Variants in SCAPER observed in about 807,000 individuals in gnomAD.
The protein encoded by SCAPER is S phase cyclin A-associated protein in the endoplasmic reticulum.
SCAPER carries 98 observed loss-of-function variants against 182.2 expected under a neutral mutation model. The observed-to-expected ratio is 0.54, with a 90% CI of 0.46 to 0.64. SCAPER has a LOEUF of 0.64. Ranked by LOEUF, SCAPER falls within the 30% of genes least tolerant of loss-of-function variation. The pLI is 0.00. For missense variants in SCAPER, 1,432 were observed against 1,690.0 expected, an observed-to-expected ratio of 0.85 and a Z score of 2.68; for synonymous variants, 605 against 564.6, an observed-to-expected ratio of 1.07 and a Z score of -1.01.
In SCAPER at chr15:76,515,420, T is replaced by C. The variant is rs188769252; in HGVS notation, c.2839-10446A>G. On this transcript the variant is annotated intron_variant, in intron 23 of 31. Transcript: ENST00000563290. ...TTCATTACTGCAACTATGGTTCCTT[T>C]TTTCTTTGCCCCTATATCTCAAGTA... Among the ~76,000 whole-genome samples the C allele has an allele frequency of 5.9e-5, 9 of 152,338 alleles. No homozygotes were observed. The East Asian group carries it at 1.5e-3, about 26-fold the overall frequency.
chr15:76,477,630 T>C (rs1290789810), intron 24 of SCAPER, among the ~76,000 whole-genome samples: 3 of 152,168 alleles, frequency 2.0e-5, no homozygotes, highest in African/African-American at 7.2e-5. Flanking sequence ...CAGAAAAATA[T>C]TTTTTCCATG....
intron 30 of SCAPER, 31 bp downstream of exon 30, chr15:76,353,918 G>A (rs748306981): frequency 6.7e-7 from 1 of 1,486,922 alleles, no homozygotes; most frequent in Non-Finnish European, 8.9e-7. Context: ...TACACACAAA[G>A]CTAGACAATT....
At chr15:76,704,788 T>C (rs71405222) in intron 18 of SCAPER, among the ~76,000 whole-genome samples, 58,021 of 151,962 alleles carry the variant, frequency 0.38, 13,078 homozygotes, top group Middle Eastern at 0.53. Context: ...AAAAGACACA[T>C]GAAAAAATGC....
chr15:76,884,838 CA>C (rs1011697942), intron 1 of SCAPER, among the ~76,000 whole-genome samples: 7 of 150,924 alleles, frequency 4.6e-5, no homozygotes, highest in African/African-American at 1.5e-4. Flanking sequence ...ATGGATAGAC[CA>C]AAAAAAAGGA....
chr15:76,756,686 A>C (rs1470253812), intron 14 of SCAPER, among the ~76,000 whole-genome samples: 2 of 152,302 alleles, frequency 1.3e-5, no homozygotes, highest in East Asian at 3.9e-4. Flanking sequence ...TCTGTCATTT[A>C]TAATACAGCA....
intron 23 of SCAPER, among the ~76,000 whole-genome samples, chr15:76,509,571 G>A (rs2041865803): frequency 6.6e-6 from 1 of 152,108 alleles, no homozygotes; most frequent in Non-Finnish European, 1.5e-5. Flanking sequence ...CAATACAGAT[G>A]AAGTACTGAA....
intron 24 of SCAPER, among the ~76,000 whole-genome samples, chr15:76,486,414 G>A (rs2051654580): frequency 6.6e-6 from 1 of 152,016 alleles, no homozygotes; most frequent in South Asian, 2.1e-4. Flanking sequence ...AAACTCAACA[G>A]AGTAAGCAGA....
intron 5 of SCAPER, among the ~76,000 whole-genome samples, chr15:76,806,567 G>C (rs984873136): frequency 3.3e-5 from 5 of 152,048 alleles, no homozygotes; most frequent in African/African-American, 9.7e-5. Flanking sequence ...GTCCATTTCT[G>C]CCAAAAAGGG....
chr15:76,846,713 G>A (rs1445702903), intron 4 of SCAPER, among the ~76,000 whole-genome samples: 2 of 152,088 alleles, frequency 1.3e-5, no homozygotes, highest in Non-Finnish European at 2.9e-5. Flanking sequence ...AAAAGATGGA[G>A]AGGATGTGGG....
intron 14 of SCAPER, among the ~76,000 whole-genome samples, chr15:76,762,125 A>G (rs1157080332): frequency 6.6e-6 from 1 of 152,168 alleles, no homozygotes; most frequent in Non-Finnish European, 1.5e-5. Flanking sequence ...TTTACATGGA[A>G]TAAGATATTC....
At chr15:76,677,081 T>C (rs147265820) in intron 20 of SCAPER, among the ~76,000 whole-genome samples, 72 of 152,270 alleles carry the variant, frequency 4.7e-4, no homozygotes, top group African/African-American at 1.6e-3. Context: ...AAAGCAAAGA[T>C]ATACCCTGTG....
In SCAPER at chr15:76,883,894, T is replaced by C. The variant is rs2073709595; in HGVS notation, c.-59-18A>G. ...TATGACTCCTACAATAAAAAATATA[T>C]ATACGCTTAGTTATAACATTACCAG... On this transcript the variant is annotated intron_variant, in intron 1 of 31. Transcript: ENST00000563290. The C allele has an allele frequency of 9.3e-7, 1 of 1,081,080 alleles. No homozygotes were observed. The highest frequency in any genetic ancestry group is 2.8e-5 in the Admixed American group (1 of 36,090). 67.0% of individuals were successfully genotyped at this position (1,081,080 alleles called of 1,614,324 possible). A position where few individuals can be genotyped will look rare whatever the true frequency, so the allele number is the denominator to read the frequency against.
chr15:76,592,750 C>A (rs2049219208), intron 22 of SCAPER, among the ~76,000 whole-genome samples: 1 of 121,940 alleles, frequency 8.2e-6, no homozygotes, highest in African/African-American at 2.5e-5. Flanking sequence ...CCAAGGGAAG[C>A]CTTGAGGGAC....
rs190103601 is a variant in SCAPER at position 76,704,277 on chromosome 15, G to T, written c.2248-1275C>A. Among the ~76,000 whole-genome samples the T allele has an allele frequency of 5.9e-3, 899 of 152,258 alleles. 7 individuals carry two copies. Among genetic ancestry groups the T allele is most frequent in the African/African-American group, 0.02 (825 of 41,568 alleles). ...TTTTCTCCCATTTTGTAGGTTGCCT[G>T]TTCACTCTGATGGTAGTTTCTTTTG... On this transcript the variant is annotated intron_variant, in intron 18 of 31. Coordinates refer to ENST00000563290, the MANE Select transcript of SCAPER (RefSeq NM_020843.4).
intron 26 of SCAPER, among the ~76,000 whole-genome samples, chr15:76,408,817 G>C (rs1448203474): frequency 6.6e-6 from 1 of 151,954 alleles, no homozygotes; most frequent in African/African-American, 2.4e-5. Context: ...TCCTTACTGA[G>C]GTCTAAAGTG....
At chr15:76,377,079 G>A (rs918880951) in intron 28 of SCAPER, among the ~76,000 whole-genome samples, 14 of 152,288 alleles carry the variant, frequency 9.2e-5, no homozygotes, top group African/African-American at 3.4e-4. Flanking sequence ...AGCCCACACT[G>A]GAATGAAGCA....
At chr15:76,590,583 T>C (rs540498869) in intron 22 of SCAPER, among the ~76,000 whole-genome samples, 1 of 152,286 alleles carries the variant, frequency 6.6e-6, no homozygotes, top group African/African-American at 2.4e-5. Flanking sequence ...CTATATAATG[T>C]TGGTGGGAAT....
At chr15:76,521,512 G>A (rs574932886) in intron 23 of SCAPER, among the ~76,000 whole-genome samples, 1 of 152,264 alleles carries the variant, frequency 6.6e-6, no homozygotes, top group East Asian at 1.9e-4. Flanking sequence ...ATAAACTGAA[G>A]TGATAAGAAG....
chr15:76,666,036 A>G (rs996485535), intron 20 of SCAPER, among the ~76,000 whole-genome samples: 2 of 152,194 alleles, frequency 1.3e-5, no homozygotes, highest in African/African-American at 4.8e-5. Flanking sequence ...CATAAACCCT[A>G]CCAAGATATC....
Sources: gnomAD v4.1 joint callset for allele counts (sites outside exome capture counted in the v4.1 genomes callset) on GRCh38, gnomAD v4.1.1 for gene constraint, MANE v1.5 for transcripts, NCBI Gene and HGNC (gene_info 2026-07-23, HGNC 2026-07-21) for gene names.